The following HECTD4 variants were observed in gnomAD, a reference collection of about 807,000 sequenced individuals.
HECTD4 encodes HECT domain E3 ubiquitin protein ligase 4.
A neutral mutation model predicts 471.5 loss-of-function variants in HECTD4; 114 were observed. The observed-to-expected ratio is 0.24, with a 90% confidence interval of 0.21 to 0.28. The LOEUF (loss-of-function observed/expected upper bound fraction) is 0.28. Among genes scored for constraint, HECTD4 ranks in the 10% least tolerant of loss-of-function variants. The pLI is 1.00. For synonymous variants in HECTD4, 2,012 were observed against 2,256.0 expected (o/e 0.89, Z 3.07); for missense variants, 3,866 against 5,651.5 (o/e 0.68, Z 10.13).
chr12:112,269,886 T>C (rs745821992), intron 12 of HECTD4, 37 bp from the exon 13 acceptor site: 3 of 1,567,210 alleles, frequency 1.9e-6, no homozygotes, highest in South Asian at 2.2e-5. Flanking sequence ...AAAATGCTAA[T>C]TCTACTGGGG....
In HECTD4 at chr12:112,207,890, C is replaced by T; in HGVS notation, c.8115G>A (p.Lys2705=). ...AERKSGLDQI[K]GALQLGMVDI... is the part of the protein sequence containing the mutation. The stretch of plus-strand genomic sequence containing the variant: ...GTACCAGACCTAGTTGTAAGGCCCC[C>T]TTTATCTGGTCCAGGCCCGATTTCC... Residue 2705 remains lysine, a synonymous_variant, in exon 52 of 76, where the codon AAG becomes AAA. Coordinates refer to ENST00000682272, the MANE Select transcript of HECTD4 (RefSeq NM_001388303.1). 1 of 1,613,972 alleles carries T rather than the reference C, an allele frequency of 6.2e-7. No individual in the cohort carries two copies.
rs77746486 is a variant in HECTD4 at position 112,163,563 on chromosome 12, G to A, written c.12876C>T (p.Tyr4292=). Residue 4292 remains tyrosine, a synonymous_variant, in exon 74 of 76, where the codon TAC becomes TAT. Transcript: ENST00000682272. This position sits in a 1 kb window ranked among gnomAD's most constrained non-coding sequence, Gnocchi z 8.2. ...EMELRTCGLP[Y]INLEFLKAHT... is the part of the protein sequence containing the mutation. ...CTACCTTGAGGAACTCGAGGTTGAT[G>A]TAGGGGAGGCCGCAGGTGCGCAGCT... 4.8e-4 allele frequency: 710 copies of A among 1,488,894 alleles called. 9 individuals are homozygous for A. In the East Asian group the frequency reaches 0.014, roughly 30 times the overall value. 92.2% of individuals were successfully genotyped at this position (1,488,894 alleles called of 1,614,324 possible). A position where few individuals can be genotyped will look rare whatever the true frequency, so the allele number is the denominator to read the frequency against.
rs746560934 is a variant in HECTD4 at position 112,175,697 on chromosome 12, A to G, written c.11594+39T>C. 2.5e-6 allele frequency: 4 copies of G among 1,596,918 alleles called. No homozygotes were observed. The South Asian group carries it at 3.4e-5, about 14-fold the overall frequency. ...ATGCTCTTGGCTGAAAACAATTTCT[A>G]TGCAAGGTGCCAACTGAGTCGAGGG... On this transcript the variant is annotated intron_variant, in intron 66 of 75. Coordinates refer to ENST00000682272, the MANE Select transcript of HECTD4 (RefSeq NM_001388303.1).
intron 50 of HECTD4, among the ~76,000 whole-genome samples, chr12:112,209,075 A>T (rs1431269065): frequency 6.6e-6 from 1 of 150,716 alleles, no homozygotes; most frequent in Non-Finnish European, 1.5e-5. Flanking sequence ...TATTTTTTAA[A>T]TTTTTTTGTA....
chr12:112,350,451 G>A (rs936509954), intron 1 of HECTD4, among the ~76,000 whole-genome samples: 3 of 152,118 alleles, frequency 2.0e-5, no homozygotes, highest in Non-Finnish European at 4.4e-5. Context: ...GTTCTCATAA[G>A]CTTTTAAGTA....
chr12:112,238,714 C>G (rs1259900908), intron 34 of HECTD4, among the ~76,000 whole-genome samples: 2 of 152,038 alleles, frequency 1.3e-5, no homozygotes, highest in African/African-American at 2.4e-5. Context: ...GCCTGGGTGA[C>G]AGACCTTGTG....
Position 112,228,881 on chromosome 12 carries a change from G to A in HECTD4, c.6520-70C>T. The stretch of plus-strand genomic sequence containing the variant: ...TGGGCAGCTGTCTTACGAGACAAGA[G>A]GAAAAAGTAAATTTATAGTTGTCAT... On this transcript the variant is annotated intron_variant, in intron 41 of 75. Coordinates refer to ENST00000682272, the MANE Select transcript of HECTD4 (RefSeq NM_001388303.1). This position sits in a 1 kb window ranked among gnomAD's most constrained non-coding sequence, Gnocchi z 4.9. 1.4e-6 allele frequency: 2 copies of A among 1,432,512 alleles called. No individual in the cohort carries two copies. The highest frequency in any genetic ancestry group is 1.4e-5 in the African/African-American group (1 of 69,544). The allele number at this position is 1,432,512 out of a possible 1,614,324, so 88.7% of individuals were successfully genotyped here. A position where few individuals can be genotyped will look rare whatever the true frequency, so the allele number is the denominator to read the frequency against.
In HECTD4 at chr12:112,204,468, T is replaced by A. The variant is rs2135535706; in HGVS notation, c.8269+18A>T. On this transcript the variant is annotated intron_variant, in intron 53 of 75. Coordinates refer to ENST00000682272, the MANE Select transcript of HECTD4 (RefSeq NM_001388303.1). Reference sequence around the variant, plus strand: ...TTCATAGGAAATTTCATAGGTCGAGTAAGGAGGAAAGCAAAACCTTTTCGA... The same window carrying A: ...TTCATAGGAAATTTCATAGGTCGAGAAAGGAGGAAAGCAAAACCTTTTCGA... 1 of 1,606,576 alleles carries A rather than the reference T, an allele frequency of 6.2e-7. No individual in the cohort carries two copies. The highest frequency in any genetic ancestry group is 1.7e-5 in the Admixed American group (1 of 58,500).
intron 1 of HECTD4, among the ~76,000 whole-genome samples, chr12:112,321,351 CA>C (rs898757925): frequency 7.2e-5 from 11 of 152,110 alleles, no homozygotes; most frequent in African/African-American, 2.7e-4. Context: ...TCTCAAGAAT[CA>C]AACTAAATTT....
intron 13 of HECTD4, among the ~76,000 whole-genome samples, chr12:112,267,817 T>C (rs1377062179): frequency 6.6e-6 from 1 of 152,172 alleles, no homozygotes. Flanking sequence ...CTTATATGTG[T>C]GCATGTGTGT....
In HECTD4 at chr12:112,381,918, T is replaced by C; in HGVS notation, c.177+34A>G. On this transcript the variant is annotated intron_variant, in intron 1 of 75. Coordinates refer to ENST00000682272, the MANE Select transcript of HECTD4 (RefSeq NM_001388303.1). The surrounding 1 kb of genome is among the most constrained non-coding windows in gnomAD (Gnocchi z 4.1). ...CGGGGGTGCCGGGCGAGTGGGTCAG[T>C]CCGATGGCGGGGGCCGGGGGCCGCC... is the stretch of plus-strand genomic sequence containing the variant. 2 of 1,217,590 alleles carry C rather than the reference T, an allele frequency of 1.6e-6. No individual in the cohort carries two copies. Among genetic ancestry groups the C allele is most frequent in the Non-Finnish European group, 2.0e-6 (2 of 978,192 alleles). 75.4% of individuals were successfully genotyped at this position (1,217,590 alleles called of 1,614,324 possible).
chr12:112,321,606 C>T (rs2035585060), intron 1 of HECTD4, among the ~76,000 whole-genome samples: 1 of 152,172 alleles, frequency 6.6e-6, no homozygotes, highest in Non-Finnish European at 1.5e-5. Context: ...ATTTCCCTTA[C>T]AAACTGGAAA....
Position 112,382,205 on chromosome 12 carries a change from A to C in HECTD4, c.-77T>G. ...CGGAGCAGGAGCCGCCGCGATCACC[A>C]GTCCATGGCAGCGGCCGCCGCGCCC... On this transcript the variant is annotated 5_prime_UTR_variant, in exon 1 of 76. Coordinates refer to ENST00000682272, the MANE Select transcript of HECTD4 (RefSeq NM_001388303.1). 3 of 1,136,226 alleles carry C rather than the reference A, an allele frequency of 2.6e-6. No individual in the cohort carries two copies. The allele number at this position is 1,136,226 out of a possible 1,614,324, so 70.4% of individuals were successfully genotyped here. A position where few individuals can be genotyped will look rare whatever the true frequency, so the allele number is the denominator to read the frequency against.
chr12:112,219,419 G>C lies in HECTD4; in HGVS notation c.7041C>G (p.Pro2347=). 1 of 1,613,666 alleles carries C rather than the reference G, an allele frequency of 6.2e-7. No homozygotes were observed. The highest frequency in any genetic ancestry group is 8.5e-7 in the Non-Finnish European group (1 of 1,179,750). The part of the protein sequence containing the change: ...LRMLYRDCAR[P]PPPPLQADRR... Reference sequence around the variant, plus strand: ...GGTCAGCCTGCAAAGGAGGTGGTGGGGGCCGAGCACAGTCCCGGTAGAGCA... The same window carrying C: ...GGTCAGCCTGCAAAGGAGGTGGTGGCGGCCGAGCACAGTCCCGGTAGAGCA... The change falls in exon 45 of 76, where the codon CCC becomes CCG. Residue 2347 remains proline (P), a synonymous_variant. Transcript: ENST00000682272.
intron 60 of HECTD4, 70 bp from the exon 61 acceptor site, chr12:112,185,563 C>T: frequency 8.2e-7 from 1 of 1,220,844 alleles, no homozygotes. Context: ...CAGTTCTGAG[C>T]CTGGAATCAA....
chr12:112,240,622 T>C (rs542691747), intron 32 of HECTD4, among the ~76,000 whole-genome samples: 4 of 152,144 alleles, frequency 2.6e-5, no homozygotes, highest in Admixed American at 6.5e-5. Context: ...GCTAATTTTT[T>C]TGACTTTTAG....
chr12:112,207,720 C>T (rs1307038491), intron 52 of HECTD4, among the ~76,000 whole-genome samples, 154 bp downstream of exon 52: 1 of 152,124 alleles, frequency 6.6e-6, no homozygotes, highest in Non-Finnish European at 1.5e-5. Context: ...GCAATGAAAA[C>T]AAAAGATCAG....
At chr12:112,280,517 A>G (rs1555255058) in intron 8 of HECTD4, among the ~76,000 whole-genome samples, 1 of 152,168 alleles carries the variant, frequency 6.6e-6, no homozygotes, top group Non-Finnish European at 1.5e-5. Flanking sequence ...AAGAGTGAGT[A>G]AAGTGAAACC....
At chr12:112,361,562 C>T (rs1488813104) in intron 1 of HECTD4, among the ~76,000 whole-genome samples, 4 of 152,196 alleles carry the variant, frequency 2.6e-5, no homozygotes, top group African/African-American at 9.7e-5. Context: ...TGTGAGTCAA[C>T]ATACCCGGCC....
Sources: allele counts gnomAD v4.1 joint callset (sites outside exome capture counted in the v4.1 genomes callset), GRCh38; gene constraint gnomAD v4.1.1; non-coding constraint Gnocchi (gnomAD v3.1); transcripts MANE v1.5; gene names NCBI Gene and HGNC (gene_info 2026-07-23, HGNC 2026-07-21).